Variants in ALG10 observed in about 807,000 individuals in gnomAD.
The protein encoded by ALG10 is ALG10 alpha-1,2-glucosyltransferase, also known as dol-P-Glc:Glc(2)Man(9)GlcNAc(2)-PP-Dol alpha-1,2-glucosyltransferase A.
In ALG10, 25 loss-of-function variants were observed where a neutral mutation model predicts 39.2. The observed-to-expected ratio is 0.64, with a 90% CI of 0.46 to 0.89. ALG10 has a LOEUF of 0.89. Among genes scored for constraint, ALG10 ranks in the 40% least tolerant of loss-of-function variants. The pLI, the probability that ALG10 is intolerant of heterozygous loss-of-function variation, is 0.00. For synonymous variants in ALG10, 184 were observed against 193.9 expected (o/e 0.95, Z 0.42); for missense variants, 486 against 546.6 (o/e 0.89, Z 1.11).
chr12:34,022,483 G>A (rs1199013964), upstream of ALG10: 2 of 1,530,166 alleles, frequency 1.3e-6, no homozygotes, highest in Non-Finnish European at 1.8e-6. Flanking sequence ...CCGGTATGTG[G>A]CCCCGTCTGG....
rs769101558 is a variant in ALG10 at position 34,027,846 on chromosome 12, A to G, written c.*931A>G. 2.0e-5 allele frequency: 3 copies of G among 152,172 alleles called. No homozygotes were observed. Among genetic ancestry groups the G allele is most frequent in the Non-Finnish European group, 4.4e-5 (3 of 68,032 alleles). 9.4% of individuals were successfully genotyped at this position (152,172 alleles called of 1,614,324 possible). On this transcript the variant is annotated 3_prime_UTR_variant, in exon 3 of 3. Transcript: ENST00000266483. ...TCCTAATATCTTGTGGCTGTGTGCA[A>G]TTCTTGGAGTTCTTTGGCTTCTGGA... is the stretch of plus-strand genomic sequence containing the variant.
Position 34,026,683 on chromosome 12 carries a change from T to C in ALG10, c.1190T>C (p.Leu397Ser). The C allele has an allele frequency of 1.2e-6, 2 of 1,613,866 alleles. No individual in the cohort carries two copies. Among genetic ancestry groups the C allele is most frequent in the Non-Finnish European group, 1.7e-6 (2 of 1,179,890 alleles). Reference sequence around the variant, plus strand: ...AAATCAAAGTCAATTTTTTGGAATTTAATGTTTTTCATATGCTTGTTCACT... The same window carrying C: ...AAATCAAAGTCAATTTTTTGGAATTCAATGTTTTTCATATGCTTGTTCACT... The part of the protein sequence containing the change: ...SLKSKSIFWN[L>S]MFFICLFTVI... The change falls in exon 3 of 3, where the codon TTA becomes TCA. Residue 397 changes from leucine (L) to serine (S), a missense_variant. Physicochemically the swap from Leu to Ser is moderately radical, Grantham distance 145. Transcript: ENST00000266483.
Position 34,026,745 on chromosome 12 carries a change from T to G in ALG10, c.1252T>G (p.Phe418Val), listed in dbSNP as rs1942837644. ...VPQKLLEFRY[F>V]ILPYVIYRLN... The stretch of plus-strand genomic sequence containing the variant: ...TCAGAAACTGCTGGAATTTCGTTAC[T>G]TCATTTTACCTTATGTCATTTATAG... Residue 418 changes from phenylalanine (F) to valine (V), a missense_variant, in exon 3 of 3, where the codon TTC (phenylalanine) becomes GTC (valine). Transcript: ENST00000266483. The G allele has an allele frequency of 6.2e-7, 1 of 1,613,858 alleles. No individual in the cohort carries two copies. The highest frequency in any genetic ancestry group is 1.7e-5 in the Admixed American group (1 of 59,990).
chr12:34,026,324 C>T lies in ALG10; in HGVS notation c.831C>T (p.Gly277=), dbSNP rs779882779. ...FVVVNGGIVI[G]DRSSHEACLH... The stretch of plus-strand genomic sequence containing the variant: ...TAGTTAATGGTGGAATTGTTATTGG[C>T]GATCGGAGTAGTCATGAAGCCTGTC... The change falls in exon 3 of 3, where the codon GGC becomes GGT. Residue 277 remains glycine, a synonymous_variant. Coordinates refer to ENST00000266483, the MANE Select transcript of ALG10 (RefSeq NM_032834.4). The T allele has an allele frequency of 4.3e-6, 7 of 1,613,912 alleles. No homozygotes were observed. The highest frequency in any genetic ancestry group is 3.3e-5 in the Admixed American group (2 of 59,986).
Position 34,022,621 on chromosome 12 carries a change from T to C in ALG10, c.22T>C (p.Tyr8His). 1.2e-6 allele frequency: 2 copies of C among 1,614,160 alleles called. No individual in the cohort carries two copies. Among genetic ancestry groups the C allele is most frequent in the Non-Finnish European group, 1.7e-6 (2 of 1,180,018 alleles). MAQLEGY[Y>H]FSAALSCTFL... ...TGGAATGGCGCAGCTGGAAGGTTAC[T>C]ATTTCTCGGCCGCCTTGAGCTGTAC... The change falls in exon 1 of 3, where the codon TAT becomes CAT. Residue 8 changes from tyrosine to histidine, a missense_variant. By Grantham distance (83) the Tyr-to-His change is moderately conservative. Coordinates refer to ENST00000266483, the MANE Select transcript of ALG10 (RefSeq NM_032834.4).
chr12:34,022,431 C>T, upstream of ALG10: 5 of 1,078,440 alleles, frequency 4.6e-6, no homozygotes, highest in African/African-American at 1.6e-5. Flanking sequence ...AAACAGCGAC[C>T]CGATCTTTCC....
rs769840400 is a variant in ALG10 at position 34,025,868 on chromosome 12, C to T, written c.375C>T (p.Ala125=). 8 of 1,613,748 alleles carry T rather than the reference C, an allele frequency of 5.0e-6. No homozygotes were observed. In the South Asian group the frequency reaches 8.8e-5, roughly 18 times the overall value. ...GTGTTTCTTCTTCCTCCAAGGCTGC[C>T]TCAAGTATCCAGAGAGTCTTGTCAA... is the stretch of plus-strand genomic sequence containing the variant. ...FCKVQPRNKA[A]SSIQRVLSTL... The change falls in exon 3 of 3, where the codon GCC becomes GCT. Residue 125 remains alanine, a synonymous_variant. Coordinates refer to ENST00000266483, the MANE Select transcript of ALG10 (RefSeq NM_032834.4).
Position 34,026,804 on chromosome 12 carries a change from C to T in ALG10, c.1311C>T (p.Leu437=), listed in dbSNP as rs1591871791. ...TACCTCTGCCTCCCACATCCAGACT[C>T]ATTTGTGAACTGAGCTGCTATGCAG... is the stretch of plus-strand genomic sequence containing the variant. ...LNIPLPPTSR[L]ICELSCYAVV... The change falls in exon 3 of 3, where the codon CTC becomes CTT. Residue 437 remains leucine, a synonymous_variant. Coordinates refer to ENST00000266483, the MANE Select transcript of ALG10 (RefSeq NM_032834.4). 6.2e-7 allele frequency: 1 copy of T among 1,613,946 alleles called. No individual in the cohort carries two copies. Among genetic ancestry groups the T allele is most frequent in the Non-Finnish European group, 8.5e-7 (1 of 1,179,872 alleles).
chr12:34,023,458 G>C (rs1367627437), intron 1 of ALG10: 1 of 180,846 alleles, frequency 5.5e-6, no homozygotes, highest in African/African-American at 2.4e-5. Flanking sequence ...TGATCTTGGA[G>C]ATGTTCTGAG....
In ALG10 at chr12:34,024,137, G is replaced by T; in HGVS notation, c.347G>T (p.Cys116Phe). 6.2e-7 allele frequency: 1 copy of T among 1,614,044 alleles called. No homozygotes were observed. Among genetic ancestry groups the T allele is most frequent in the Non-Finnish European group, 8.5e-7 (1 of 1,179,992 alleles). ...TTCTATTTACTATATTTGCTTTTCTGCAAGGTACAACCCAGAAACAAGGTA... is the reference window on the plus strand; with the variant it reads ...TTCTATTTACTATATTTGCTTTTCTTCAAGGTACAACCCAGAAACAAGGTA... ...GNFYLLYLLF[C>F]KVQPRNKAAS... The change falls in exon 2 of 3, where the codon TGC becomes TTC. Residue 116 changes from cysteine to phenylalanine, a missense_variant. Transcript: ENST00000266483.
At position 34,027,538 on chromosome 12, in the gene ALG10, A is replaced by C. The variant is rs1166124160; in HGVS notation, c.*623A>C. Reference sequence around the variant, plus strand: ...ATCAAATTGTTGGTTATTGTTTACAATCTAGAAATGATGAAGCTCTTTCAC... The same window carrying C: ...ATCAAATTGTTGGTTATTGTTTACACTCTAGAAATGATGAAGCTCTTTCAC... On this transcript the variant is annotated 3_prime_UTR_variant, in exon 3 of 3. Coordinates refer to ENST00000266483, the MANE Select transcript of ALG10 (RefSeq NM_032834.4). 1 of 152,624 alleles carries C rather than the reference A, an allele frequency of 6.6e-6. No individual in the cohort carries two copies. The highest frequency in any genetic ancestry group is 1.9e-4 in the East Asian group (1 of 5,196). 9.5% of individuals were successfully genotyped at this position (152,624 alleles called of 1,614,324 possible). A position where few individuals can be genotyped will look rare whatever the true frequency, so the allele number is the denominator to read the frequency against.
In ALG10 at chr12:34,026,291, T is replaced by C; in HGVS notation, c.798T>C (p.Ala266=). 1.2e-6 allele frequency: 2 copies of C among 1,614,154 alleles called. No individual in the cohort carries two copies. Among genetic ancestry groups the C allele is most frequent in the Non-Finnish European group, 1.7e-6 (2 of 1,179,988 alleles). The change falls in exon 3 of 3, where the codon GCT becomes GCC. Residue 266 remains alanine, a synonymous_variant. Coordinates refer to ENST00000266483, the MANE Select transcript of ALG10 (RefSeq NM_032834.4). ...PYILLGFLFC[A]FVVVNGGIVI... is the part of the protein sequence containing the mutation. ...TCCTTCTGGGATTTCTGTTTTGTGCTTTTGTAGTAGTTAATGGTGGAATTG... is the reference window on the plus strand; with the variant it reads ...TCCTTCTGGGATTTCTGTTTTGTGCCTTTGTAGTAGTTAATGGTGGAATTG...
chr12:34,026,076 T>G lies in ALG10; in HGVS notation c.583T>G (p.Phe195Val). 6.2e-7 allele frequency: 1 copy of G among 1,614,138 alleles called. No individual in the cohort carries two copies. The highest frequency in any genetic ancestry group is 8.5e-7 in the Non-Finnish European group (1 of 1,179,974). ...GCAAACAAATATCATCTGGGCTGTC[T>G]TCTGTGCAGGAAATGTCATTGCACA... ...FRQTNIIWAV[F>V]CAGNVIAQKL... The change falls in exon 3 of 3, where the codon TTC (phenylalanine) becomes GTC (valine). Residue 195 changes from phenylalanine (F) to valine (V), a missense_variant. By Grantham distance (50) the Phe-to-Val change is conservative. Transcript: ENST00000266483.
chr12:34,024,434 A>G (rs1022242679), intron 2 of ALG10, among the ~76,000 whole-genome samples: 4 of 152,220 alleles, frequency 2.6e-5, no homozygotes, highest in Admixed American at 6.5e-5. Flanking sequence ...TCCATGTGCT[A>G]GGGACTGGGA....
Position 34,025,863 on chromosome 12 carries a change from G to C in ALG10, c.370G>C (p.Ala124Pro), listed in dbSNP as rs576278078. 1.9e-5 allele frequency: 30 copies of C among 1,613,820 alleles called. 2 individuals are homozygous for C. The highest frequency in any genetic ancestry group is 1.6e-4 in the Middle Eastern group (1 of 6,062). The change falls in exon 3 of 3, where the codon GCT becomes CCT. Residue 124 changes from alanine (A) to proline (P), a missense_variant and splice_region_variant. Coordinates refer to ENST00000266483, the MANE Select transcript of ALG10 (RefSeq NM_032834.4). Reference sequence around the variant, plus strand: ...TATCTGTGTTTCTTCTTCCTCCAAGGCTGCCTCAAGTATCCAGAGAGTCTT... The same window carrying C: ...TATCTGTGTTTCTTCTTCCTCCAAGCCTGCCTCAAGTATCCAGAGAGTCTT... ...LFCKVQPRNK[A>P]ASSIQRVLST...
chr12:34,025,948 C>T lies in ALG10; in HGVS notation c.455C>T (p.Thr152Ile). 6.2e-7 allele frequency: 1 copy of T among 1,613,978 alleles called. No individual in the cohort carries two copies. The highest frequency in any genetic ancestry group is 8.5e-7 in the Non-Finnish European group (1 of 1,179,924). ...TLYFFNFLYY[T>I]EAGSMFFTLF... ...TATTTTTTTAACTTCCTTTATTATA[C>T]AGAAGCAGGATCTATGTTTTTTACT... is the stretch of plus-strand genomic sequence containing the variant. Residue 152 changes from threonine (T) to isoleucine (I), a missense_variant, in exon 3 of 3, where the codon ACA becomes ATA. Physicochemically the swap from Thr to Ile is moderately conservative, Grantham distance 89. Coordinates refer to ENST00000266483, the MANE Select transcript of ALG10 (RefSeq NM_032834.4).
At chr12:34,023,587 T>C (rs1942801329) in intron 1 of ALG10, 1 of 328,352 alleles carries the variant, frequency 3.0e-6, no homozygotes. Context: ...TTAGCTGTCA[T>C]CATGGAGCCT....
At chr12:34,024,269 G>T in intron 2 of ALG10, 110 bp downstream of exon 2, 2 of 1,291,728 alleles carry the variant, frequency 1.5e-6, no homozygotes. Flanking sequence ...TTGTAACTTT[G>T]TATTTTTGTA....
Position 34,022,758 on chromosome 12 carries a change from C to T in ALG10, c.159C>T (p.Phe53=). The T allele has an allele frequency of 6.2e-6, 10 of 1,614,178 alleles. No individual in the cohort carries two copies. The highest frequency in any genetic ancestry group is 8.5e-6 in the Non-Finnish European group (10 of 1,180,000). Residue 53 remains phenylalanine, a synonymous_variant, in exon 1 of 3, where the codon TTC becomes TTT. Transcript: ENST00000266483. ...PQAQRYCEGH[F]SLSQWDPMIT... is the part of the protein sequence containing the mutation. ...CGCAGCGCTACTGTGAGGGCCATTT[C>T]TCCCTTTCCCAGGTGGGGTCCCCAA...
Sources: gnomAD v4.1 joint callset for allele counts (sites outside exome capture counted in the v4.1 genomes callset) on GRCh38, gnomAD v4.1.1 for gene constraint, MANE v1.5 for transcripts, NCBI Gene and HGNC (gene_info 2026-07-23, HGNC 2026-07-21) for gene names.